CACNB4: variants seen among roughly 807,000 people sequenced by gnomAD.
CACNB4 encodes the protein voltage-dependent L-type calcium channel subunit beta-4.
Under a neutral mutation model 71.2 loss-of-function variants are expected in CACNB4, and 32 were observed. That is an observed-to-expected ratio of 0.45 (90% CI 0.34 to 0.60). The LOEUF (loss-of-function observed/expected upper bound fraction) is 0.60, where lower values mean the gene tolerates loss of function less well. Ranked by LOEUF, CACNB4 falls within the 20% of genes least tolerant of loss-of-function variation. CACNB4 has a pLI of 0.01. For synonymous variants in CACNB4, 231 were observed against 236.9 expected (o/e 0.97, Z 0.23); for missense variants, 464 against 647.9 (o/e 0.72, Z 3.08).
intron 2 of CACNB4, among the ~76,000 whole-genome samples, chr2:151,951,392 T>C (rs1172947623): frequency 1.3e-5 from 2 of 152,034 alleles, no homozygotes; most frequent in African/African-American, 2.4e-5. Flanking sequence ...ATGGCTGACA[T>C]TGACTGAGGA....
chr2:151,964,101 T>A (rs2099870423), intron 2 of CACNB4, among the ~76,000 whole-genome samples: 1 of 144,698 alleles, frequency 6.9e-6, no homozygotes, highest in African/African-American at 2.5e-5. Context: ...GAATGTTAAC[T>A]GTAGCATTTA....
chr2:151,879,404 CTT>C (rs1187659298), intron 4 of CACNB4: 158 of 151,622 alleles, frequency 1.0e-3, no homozygotes, highest in African/African-American at 3.5e-3. Flanking sequence ...CATCATTTGG[CTT>C]ATGTGACAAG....
At chr2:152,055,428 C>T (rs890274932) in intron 2 of CACNB4, among the ~76,000 whole-genome samples, 2 of 152,098 alleles carry the variant, frequency 1.3e-5, no homozygotes, top group African/African-American at 4.8e-5. Flanking sequence ...ATCTTAAGAT[C>T]AACTTTAAAC....
intron 2 of CACNB4, among the ~76,000 whole-genome samples, chr2:151,911,789 G>A (rs1485824898): frequency 6.6e-6 from 1 of 152,162 alleles, no homozygotes; most frequent in African/African-American, 2.4e-5. Context: ...GAATTCAGCT[G>A]TGAATCCGTC....
At chr2:151,921,115 C>T (rs1033156867) in intron 2 of CACNB4, among the ~76,000 whole-genome samples, 2 of 149,956 alleles carry the variant, frequency 1.3e-5, no homozygotes, top group African/African-American at 4.9e-5. Flanking sequence ...CCAGCCTGAG[C>T]AACAGAGCAA....
In CACNB4 at chr2:151,880,916, G is replaced by C; in HGVS notation, c.274C>G (p.Pro92Ala). 1.2e-6 allele frequency: 2 copies of C among 1,612,818 alleles called. No individual in the cohort carries two copies. Among genetic ancestry groups the C allele is most frequent in the Non-Finnish European group, 1.7e-6 (2 of 1,179,284 alleles). Residue 92 changes from proline (P) to alanine (A), a missense_variant, in exon 4 of 14, where the codon CCT becomes GCT. Coordinates refer to ENST00000539935, the MANE Select transcript of CACNB4 (RefSeq NM_000726.5). Reference protein sequence around the residue: ...AIQLERAKSKPVAFAVKTNVS... With the variant: ...AIQLERAKSKAVAFAVKTNVS... The stretch of plus-strand genomic sequence containing the variant: ...TTTGTCTTCACGGCAAATGCTACAG[G>C]TTTGGACTAGGGACAGAACCATGGA...
intron 2 of CACNB4, among the ~76,000 whole-genome samples, chr2:152,086,336 C>T (rs1260506121): frequency 6.6e-6 from 1 of 152,210 alleles, no homozygotes; most frequent in African/African-American, 2.4e-5. Context: ...AACACATCCT[C>T]AAACTAAATC....
intron 9 of CACNB4, chr2:151,861,836 C>A: frequency 4.2e-5 from 3 of 71,180 alleles, no homozygotes; most frequent in African/African-American, 1.9e-4. Context: ...GGGTGAGACC[C>A]TGTCTCAAAA....
At chr2:151,998,315 CAAAAAAAAA>C (rs70974815) in intron 2 of CACNB4, among the ~76,000 whole-genome samples, 30 of 110,696 alleles carry the variant, frequency 2.7e-4, no homozygotes, top group South Asian at 1.3e-3. Context: ...ACTCCATCTC[CAAAAAAAAA>C]AAAAAAAAAA....
In CACNB4 at chr2:152,057,851, C is replaced by G. The variant is rs574159465; in HGVS notation, c.147+40479G>C. Among the ~76,000 whole-genome samples, 5 of 152,254 alleles carry G rather than the reference C, an allele frequency of 3.3e-5. No homozygotes were observed. In the South Asian group the frequency reaches 1.0e-3, roughly 32 times the overall value. On this transcript the variant is annotated intron_variant, in intron 2 of 13. Coordinates refer to ENST00000539935, the MANE Select transcript of CACNB4 (RefSeq NM_000726.5). ...AAACTTTTATTTTTCCAAGGACATACTATAATACAACTTACCATGATGTTT... is the reference window on the plus strand; with the variant it reads ...AAACTTTTATTTTTCCAAGGACATAGTATAATACAACTTACCATGATGTTT...
At chr2:151,849,295 C>T (rs953718827) in intron 12 of CACNB4, among the ~76,000 whole-genome samples, 1 of 152,130 alleles carries the variant, frequency 6.6e-6, no homozygotes, top group African/African-American at 2.4e-5. Flanking sequence ...CAATGTCTCA[C>T]TCTGTCGGGT....
At chr2:151,944,619 C>G (rs759914281) in intron 2 of CACNB4, among the ~76,000 whole-genome samples, 21 of 152,064 alleles carry the variant, frequency 1.4e-4, no homozygotes, top group Non-Finnish European at 2.9e-4. Flanking sequence ...TGGAGAAACT[C>G]CATCTCAACT....
At chr2:152,012,461 G>A (rs13027494) in intron 2 of CACNB4, among the ~76,000 whole-genome samples, 60,593 of 151,796 alleles carry the variant, frequency 0.4, 15,293 homozygotes, top group Non-Finnish European at 0.57. Context: ...AAAATTAGCC[G>A]GGCGTGGCGG....
At chr2:152,088,520 T>C (rs1249633875) in intron 2 of CACNB4, among the ~76,000 whole-genome samples, 1 of 152,212 alleles carries the variant, frequency 6.6e-6, no homozygotes, top group African/African-American at 2.4e-5. Context: ...TTTTCAAGTT[T>C]ATGTTTACAA....
chr2:151,950,904 T>C (rs2099866774), intron 2 of CACNB4, among the ~76,000 whole-genome samples: 2 of 152,234 alleles, frequency 1.3e-5, no homozygotes, highest in African/African-American at 4.8e-5. Context: ...TCAGACAATA[T>C]TCTAAATGTA....
intron 2 of CACNB4, among the ~76,000 whole-genome samples, chr2:152,054,199 C>G (rs1031782699): frequency 1.3e-5 from 2 of 151,508 alleles, no homozygotes; most frequent in Non-Finnish European, 1.5e-5. Flanking sequence ...AACCCCGTCT[C>G]TACTAAAAAT....
intron 2 of CACNB4, among the ~76,000 whole-genome samples, chr2:151,943,648 A>G (rs2099864821): frequency 6.6e-6 from 1 of 152,214 alleles, no homozygotes; most frequent in Admixed American, 6.5e-5. Context: ...AAGGGCTAAT[A>G]AGGGGTTCGT....
intron 2 of CACNB4, chr2:151,963,001 A>T (rs2099870049): frequency 6.6e-6 from 1 of 152,140 alleles, no homozygotes; most frequent in Non-Finnish European, 1.5e-5. Context: ...TTGGCATCCT[A>T]AAAAGAATAT....
At chr2:151,971,774 CCT>C (rs1325756928) in intron 2 of CACNB4, 5 of 602,898 alleles carry the variant, frequency 8.3e-6, no homozygotes, top group East Asian at 5.6e-5. Flanking sequence ...TCTCTCTTCC[CCT>C]GATTTATGTG....
Sources: gnomAD v4.1 joint callset for allele counts (sites outside exome capture counted in the v4.1 genomes callset) on GRCh38, gnomAD v4.1.1 for gene constraint, MANE v1.5 for transcripts, NCBI Gene and HGNC (gene_info 2026-07-23, HGNC 2026-07-21) for gene names.